The following TLR10 variants were observed in gnomAD, a reference collection of about 807,000 sequenced individuals.
TLR10 encodes toll-like receptor 10.
For synonymous variants in TLR10, 288 were observed against 338.8 expected, an observed-to-expected ratio of 0.85 and a Z score of 1.65; for missense variants, 929 against 932.9, an observed-to-expected ratio of 1.00 and a Z score of 0.05.
In TLR10 at chr4:38,773,819, C is replaced by A. The variant is rs770236353; in HGVS notation, c.1772G>T (p.Gly591Val). ...VTIVVIMLVL[G>V]LAVAFCCLHF... ...GAGACAGCAGAAGGCCACAGCCAAC[C>A]CCAGAACTAGCATAATAACCACAAT... Residue 591 changes from glycine to valine, a missense_variant, in exon 4 of 4, where the codon GGG (glycine) becomes GTG (valine). Transcript: ENST00000308973. The A allele has an allele frequency of 4.2e-5, 66 of 1,589,206 alleles. No individual in the cohort carries two copies. The highest frequency in any genetic ancestry group is 5.5e-5 in the Non-Finnish European group (64 of 1,169,234).
chr4:38,777,399 G>A (rs778135582), intron 1 of TLR10, among the ~76,000 whole-genome samples: 5 of 152,184 alleles, frequency 3.3e-5, no homozygotes, highest in South Asian at 4.2e-4. Context: ...AGAAGAGGTC[G>A]GATCTTATAA....
rs755498510 is a variant in TLR10, at chr4:38,774,504, C to T, written c.1087G>A (p.Glu363Lys). ...LNFANNILTD[E>K]LFKRTIQLPH... ...AGTTGGATAGTTCTTTTAAACAACT[C>T]GTCTGTTAAGATATTATTGGCAAAA... The change falls in exon 4 of 4, where the codon GAG (glutamate) becomes AAG (lysine). Residue 363 changes from glutamate to lysine, a missense_variant. Physicochemically the swap from Glu to Lys is moderately conservative, Grantham distance 56 (BLOSUM62 1). Coordinates refer to ENST00000308973, the MANE Select transcript of TLR10 (RefSeq NM_030956.4). The T allele has an allele frequency of 1.6e-5, 26 of 1,588,618 alleles. No individual in the cohort carries two copies. The highest frequency in any genetic ancestry group is 4.1e-5 in the African/African-American group (3 of 73,392).
rs1725002561 is a variant in TLR10 at position 38,775,483 on chromosome 4, G to T, written c.108C>A (p.Asn36Lys). The change falls in exon 4 of 4, where the codon AAC (asparagine) becomes AAA (lysine). Residue 36 changes from asparagine (N) to lysine (K), a missense_variant. By Grantham distance (94) the Asn-to-Lys change is moderately conservative. Coordinates refer to ENST00000308973, the MANE Select transcript of TLR10 (RefSeq NM_030956.4). ...EERELMTNCS[N>K]MSLRKVPADL... ...CTGCGGGAACCTTTCTTAGAGACAT[G>T]TTGGAGCAGTTGGTCATCAGTTCCC... The T allele has an allele frequency of 6.2e-7, 1 of 1,614,018 alleles. No homozygotes were observed. The highest frequency in any genetic ancestry group is 8.5e-7 in the Non-Finnish European group (1 of 1,180,010).
Position 38,775,612 on chromosome 4 carries a change from A to C in TLR10, c.-22T>G. 1.3e-6 allele frequency: 2 copies of C among 1,565,702 alleles called. No individual in the cohort carries two copies. Among genetic ancestry groups the C allele is most frequent in the Non-Finnish European group, 1.7e-6 (2 of 1,156,972 alleles). The stretch of plus-strand genomic sequence containing the variant: ...TCATTGTATTTCCAAGGATTTTACC[A>C]CTTATTTCCTCATATGAATGATGAA... On this transcript the variant is annotated 5_prime_UTR_variant, in exon 4 of 4. Coordinates refer to ENST00000308973, the MANE Select transcript of TLR10 (RefSeq NM_030956.4).
chr4:38,774,861 T>A lies in TLR10; in HGVS notation c.730A>T (p.Thr244Ser), dbSNP rs199811453. The A allele has an allele frequency of 6.2e-7, 1 of 1,605,028 alleles. No homozygotes were observed. The highest frequency in any genetic ancestry group is 8.5e-7 in the Non-Finnish European group (1 of 1,176,150). The change falls in exon 4 of 4, where the codon ACA (threonine) becomes TCA (serine). Residue 244 changes from threonine to serine, a missense_variant. Transcript: ENST00000308973. ...ACTTTATTAAGCAATAGAACCGATG[T>A]CTTAGCATTTTCTAAACTAAGATTT... The part of the protein sequence containing the change: ...QRNLSLENAK[T>S]SVLLLNKVDL...
intron 1 of TLR10, among the ~76,000 whole-genome samples, chr4:38,778,675 A>G (rs577176590): frequency 4.6e-4 from 70 of 152,270 alleles, no homozygotes; most frequent in African/African-American, 1.6e-3. Context: ...AGAGCAGGTG[A>G]TAAGTTAGTG....
chr4:38,773,499 G>A lies in TLR10; in HGVS notation c.2092C>T (p.Pro698Ser). 1 of 1,612,228 alleles carries A rather than the reference G, an allele frequency of 6.2e-7. No homozygotes were observed. Among genetic ancestry groups the A allele is most frequent in the South Asian group, 1.1e-5 (1 of 90,696 alleles). ...KSYKSIFVLS[P>S]NFVQNEWCHY... The stretch of plus-strand genomic sequence containing the variant: ...CACCACTCATTCTGGACAAAGTTGG[G>A]AGACAAAACAAAGATGGACTTATAG... Residue 698 changes from proline (P) to serine (S), a missense_variant, in exon 4 of 4, where the codon CCC (proline) becomes TCC (serine). Pro to Ser is a moderately conservative substitution (Grantham distance 74). Coordinates refer to ENST00000308973, the MANE Select transcript of TLR10 (RefSeq NM_030956.4).
rs1234840169 is a variant in TLR10, at chr4:38,774,674, T to C, written c.917A>G (p.His306Arg). Reference sequence around the variant, plus strand: ...AATGTAAAACACTCTGAAATGTACATGCTCCAATTTTATAGTTCTCATTAC... The same window carrying C: ...AATGTAAAACACTCTGAAATGTACACGCTCCAATTTTATAGTTCTCATTAC... ...NTVMRTIKLE[H>R]VHFRVFYIQQ... The change falls in exon 4 of 4, where the codon CAT (histidine) becomes CGT (arginine). Residue 306 changes from histidine to arginine, a missense_variant. By Grantham distance (29) the His-to-Arg change is conservative. Transcript: ENST00000308973. The C allele has an allele frequency of 1.3e-6, 2 of 1,563,092 alleles. No homozygotes were observed. Among genetic ancestry groups the C allele is most frequent in the Non-Finnish European group, 1.7e-6 (2 of 1,160,100 alleles).
Position 38,776,444 on chromosome 4 carries a change from C to T in TLR10, c.-568-18G>A, listed in dbSNP as rs1237184334. 6.5e-6 allele frequency: 1 copy of T among 153,404 alleles called. No individual in the cohort carries two copies. Among genetic ancestry groups the T allele is most frequent in the Non-Finnish European group, 1.5e-5 (1 of 68,268 alleles). The allele number at this position is 153,404 out of a possible 1,614,324, so 9.5% of individuals were successfully genotyped here. On this transcript the variant is annotated intron_variant, in intron 1 of 3. Coordinates refer to ENST00000308973, the MANE Select transcript of TLR10 (RefSeq NM_030956.4). ...GCTGAATTCTGTTATGGCATAGAAT[C>T]AAAGCTTTCAGGTTAGATTTCAATG...
chr4:38,775,635 G>C lies in TLR10; in HGVS notation c.-45C>G. The C allele has an allele frequency of 1.3e-6, 2 of 1,506,968 alleles. No homozygotes were observed. Among genetic ancestry groups the C allele is most frequent in the Non-Finnish European group, 1.8e-6 (2 of 1,122,218 alleles). 93.3% of individuals were successfully genotyped at this position (1,506,968 alleles called of 1,614,324 possible). ...CCACTTATTTCCTCATATGAATGAT[G>C]AAGATGAGCTCAAAACCCTAAAAAA... On this transcript the variant is annotated 5_prime_UTR_variant, in exon 4 of 4. Transcript: ENST00000308973.
Position 38,774,079 on chromosome 4 carries a change from AG to A in TLR10, c.1511del (p.Ser504PhefsTer14), listed in dbSNP as rs1724852477. 1.9e-6 allele frequency: 3 copies of A among 1,612,494 alleles called. No homozygotes were observed. Among genetic ancestry groups the A allele is most frequent in the South Asian group, 2.2e-5 (2 of 91,030 alleles). ...NIEMNFILSP[S>X]LDFVQSCQEV... ...CCTGGCAGCTCTGAACAAAATCCAG[AG>A]ATGGGCTGAGAATGAAGTTCATTTC... On this transcript the variant is annotated frameshift_variant, in exon 4 of 4. Coordinates refer to ENST00000308973, the MANE Select transcript of TLR10 (RefSeq NM_030956.4). LOFTEE classifies it low-confidence loss of function (END_TRUNC).
intron 1 of TLR10, among the ~76,000 whole-genome samples, chr4:38,780,757 G>A (rs1725356854): frequency 6.6e-6 from 1 of 152,144 alleles, no homozygotes; most frequent in African/African-American, 2.4e-5. Context: ...AATCTATGTT[G>A]AACAAAATAT....
chr4:38,775,620 C>T lies in TLR10; in HGVS notation c.-30G>A. On this transcript the variant is annotated 5_prime_UTR_variant, in exon 4 of 4. Coordinates refer to ENST00000308973, the MANE Select transcript of TLR10 (RefSeq NM_030956.4). ...TTTCCAAGGATTTTACCACTTATTT[C>T]CTCATATGAATGATGAAGATGAGCT... is the stretch of plus-strand genomic sequence containing the variant. 6.5e-7 allele frequency: 1 copy of T among 1,549,954 alleles called. No individual in the cohort carries two copies. Among genetic ancestry groups the T allele is most frequent in the Non-Finnish European group, 8.7e-7 (1 of 1,149,652 alleles).
chr4:38,773,617 C>T lies in TLR10; in HGVS notation c.1974G>A (p.Lys658=). The part of the protein sequence containing the change: ...VKNELIPNLE[K]EDGSILICLY... ...GGCAAATCAAGATAGAACCATCTTC[C>T]TTCTCTAGATTGGGGATCAATTCAT... Residue 658 remains lysine, a synonymous_variant, in exon 4 of 4, where the codon AAG becomes AAA. Coordinates refer to ENST00000308973, the MANE Select transcript of TLR10 (RefSeq NM_030956.4). 1 of 1,601,074 alleles carries T rather than the reference C, an allele frequency of 6.2e-7. No homozygotes were observed. The highest frequency in any genetic ancestry group is 8.5e-7 in the Non-Finnish European group (1 of 1,173,944).
chr4:38,773,633 A>T lies in TLR10; in HGVS notation c.1958T>A (p.Ile653Asn), dbSNP rs1270886705. 2 of 1,603,430 alleles carry T rather than the reference A, an allele frequency of 1.2e-6. No individual in the cohort carries two copies. The highest frequency in any genetic ancestry group is 1.7e-6 in the Non-Finnish European group (2 of 1,175,080). Residue 653 changes from isoleucine to asparagine, a missense_variant, in exon 4 of 4, where the codon ATC (isoleucine) becomes AAC (asparagine). Coordinates refer to ENST00000308973, the MANE Select transcript of TLR10 (RefSeq NM_030956.4). ...HDSLWVKNEL[I>N]PNLEKEDGSI... Reference sequence around the variant, plus strand: ...ACCATCTTCCTTCTCTAGATTGGGGATCAATTCATTCTTCACCCACAGAGA... The same window carrying T: ...ACCATCTTCCTTCTCTAGATTGGGGTTCAATTCATTCTTCACCCACAGAGA...
Position 38,773,664 on chromosome 4 carries a change from G to A in TLR10, c.1927C>T (p.His643Tyr). The A allele has an allele frequency of 6.2e-7, 1 of 1,611,136 alleles. No individual in the cohort carries two copies. Among genetic ancestry groups the A allele is most frequent in the Non-Finnish European group, 8.5e-7 (1 of 1,178,652 alleles). Residue 643 changes from histidine to tyrosine, a missense_variant, in exon 4 of 4, where the codon CAT becomes TAT. Physicochemically the swap from His to Tyr is moderately conservative, Grantham distance 83 (BLOSUM62 2). Coordinates refer to ENST00000308973, the MANE Select transcript of TLR10 (RefSeq NM_030956.4). ...TCATTCTTCACCCACAGAGAATCAT[G>A]TTCACTGTATGAAATAAATGCGTGG... Reference protein sequence around the residue: ...RFHAFISYSEHDSLWVKNELI... With the variant: ...RFHAFISYSEYDSLWVKNELI...
At chr4:38,778,309 C>G (rs1301091892) in intron 1 of TLR10, among the ~76,000 whole-genome samples, 1 of 152,108 alleles carries the variant, frequency 6.6e-6, no homozygotes, top group Non-Finnish European at 1.5e-5. Flanking sequence ...GGAGGAATAG[C>G]ATTAGGAGAA....
At chr4:38,777,306 G>A (rs1405131084) in intron 1 of TLR10, among the ~76,000 whole-genome samples, 7 of 152,050 alleles carry the variant, frequency 4.6e-5, no homozygotes, top group Non-Finnish European at 1.0e-4. Flanking sequence ...GAGAGAGAGA[G>A]AACAGCAAGT....
At position 38,775,845 on chromosome 4, in the gene TLR10, G is replaced by C; in HGVS notation, c.-133C>G. ...GTCTCCAAGCTGGCTACTGTGCCAT[G>C]TCTCCGTTGTTGAGGTAAGTCAGGA... On this transcript the variant is annotated 5_prime_UTR_variant, in exon 3 of 4. Coordinates refer to ENST00000308973, the MANE Select transcript of TLR10 (RefSeq NM_030956.4). 3.0e-6 allele frequency: 1 copy of C among 336,042 alleles called. No homozygotes were observed. Among genetic ancestry groups the C allele is most frequent in the Non-Finnish European group, 5.3e-6 (1 of 187,248 alleles). 20.8% of individuals were successfully genotyped at this position (336,042 alleles called of 1,614,324 possible).
Sources: gnomAD v4.1 joint callset for allele counts (sites outside exome capture counted in the v4.1 genomes callset) on GRCh38, gnomAD v4.1.1 for gene constraint, MANE v1.5 for transcripts, NCBI Gene and HGNC (gene_info 2026-07-23, HGNC 2026-07-21) for gene names.